The following RAB9A variants were observed in gnomAD, a reference collection of about 807,000 sequenced individuals.
The protein encoded by RAB9A is ras-related protein Rab-9A.
A neutral mutation model predicts 10.3 loss-of-function variants in RAB9A; 1 was observed. That is an observed-to-expected ratio of 0.10 (90% CI 0.03 to 0.46). The LOEUF (loss-of-function observed/expected upper bound fraction) is 0.46, where lower values mean the gene tolerates loss of function less well. Ranked by LOEUF, RAB9A falls within the 20% of genes least tolerant of loss-of-function variation. The pLI is 0.96. For missense variants in RAB9A, 92 were observed against 150.3 expected, an observed-to-expected ratio of 0.61 and a Z score of 2.03; for synonymous variants, 39 against 55.2, an observed-to-expected ratio of 0.71 and a Z score of 1.30.
intron 1 of RAB9A, among the ~76,000 whole-genome samples, chrX:13,699,764 T>G (rs1043304056): frequency 1.8e-5 from 2 of 111,652 alleles, no homozygotes; most frequent in Non-Finnish European, 3.8e-5. Context: ...GCGGGGATGG[T>G]GAGTAGTAGG....
chrX:13,697,745 A>G (rs2046153514), intron 1 of RAB9A, among the ~76,000 whole-genome samples: 1 of 112,217 alleles, frequency 8.9e-6, no homozygotes, highest in African/African-American at 3.2e-5. Context: ...GCATGTAGCA[A>G]TCAGTTCTTG....
intron 1 of RAB9A, among the ~76,000 whole-genome samples, chrX:13,691,944 T>C (rs2046126682): frequency 9.2e-6 from 1 of 109,155 alleles, no homozygotes. Flanking sequence ...TAGAACAGAA[T>C]TTATTGCCTG....
chrX:13,691,524 G>A (rs2046123226), intron 1 of RAB9A, among the ~76,000 whole-genome samples: 1 of 109,610 alleles, frequency 9.1e-6, no homozygotes, highest in Admixed American at 9.7e-5. Flanking sequence ...GCCAGGCGTG[G>A]TGGCGGATGC....
intron 2 of RAB9A, among the ~76,000 whole-genome samples, chrX:13,706,485 A>G (rs894498783): frequency 9.0e-6 from 1 of 110,715 alleles, no homozygotes; most frequent in Non-Finnish European, 1.9e-5. Flanking sequence ...TACGCCTCCC[A>G]GGTTCAAGGG....
Position 13,708,835 on chromosome X carries a change from A to G in RAB9A, c.89A>G (p.Asn30Ser), listed in dbSNP as rs2046209176. ...TCACTTATGAACAGATATGTAACTAATAAGTTTGATACCCAGCTCTTCCAT... is the reference window on the plus strand; with the variant it reads ...TCACTTATGAACAGATATGTAACTAGTAAGTTTGATACCCAGCTCTTCCAT... ...KSSLMNRYVT[N>S]KFDTQLFHTI... Residue 30 changes from asparagine (N) to serine (S), a missense_variant, in exon 3 of 3, where the codon AAT becomes AGT. Coordinates refer to ENST00000464506, the MANE Select transcript of RAB9A (RefSeq NM_004251.5). The G allele has an allele frequency of 8.3e-7, 1 of 1,208,457 alleles. No individual in the cohort carries two copies. Among genetic ancestry groups the G allele is most frequent in the Non-Finnish European group, 1.1e-6 (1 of 892,617 alleles).
At chrX:13,707,630 G>T (rs180801800) in intron 2 of RAB9A, among the ~76,000 whole-genome samples, 1 of 111,729 alleles carries the variant, frequency 9.0e-6, no homozygotes, top group East Asian at 2.8e-4. Context: ...GACTTCTAAA[G>T]AACACATATA....
intron 1 of RAB9A, among the ~76,000 whole-genome samples, chrX:13,691,604 G>T (rs1340553798): frequency 1.1e-5 from 1 of 90,412 alleles, no homozygotes; most frequent in East Asian, 3.8e-4. Flanking sequence ...AGGTTGCAGT[G>T]AGCCGAGATC....
At chrX:13,697,065 G>A (rs2046151160) in intron 1 of RAB9A, among the ~76,000 whole-genome samples, 1 of 111,317 alleles carries the variant, frequency 9.0e-6, no homozygotes, top group African/African-American at 3.3e-5. Flanking sequence ...CTCACTCCTT[G>A]TAATTAACTT....
In RAB9A at chrX:13,689,341, G is replaced by C. The variant is rs1054537423; in HGVS notation, c.-116+53G>C. 4.4e-5 allele frequency: 5 copies of C among 112,754 alleles called. No homozygotes were observed. In the East Asian group the frequency reaches 8.4e-4, roughly 19 times the overall value. The allele number at this position is 112,754 out of a possible 1,213,427, so 9.3% of individuals were successfully genotyped here. On this transcript the variant is annotated intron_variant, in intron 1 of 2. Transcript: ENST00000464506. ...ACCGGGCGGAGTGCGCGGGTGTCGG[G>C]GTCTGAGGGGGCGGCTCGGGCCTCG...
At position 13,694,323 on chromosome X, in the gene RAB9A, A is replaced by G. The variant is rs188272233; in HGVS notation, c.-116+5035A>G. On this transcript the variant is annotated intron_variant, in intron 1 of 2. Coordinates refer to ENST00000464506, the MANE Select transcript of RAB9A (RefSeq NM_004251.5). ...ATCAGATGTATATACCTGGAAATAC[A>G]TACATAATGTGGTTGGAAGTCAGAT... Among the ~76,000 whole-genome samples, 29 of 112,535 alleles carry G rather than the reference A, an allele frequency of 2.6e-4. 1 individual carries two copies. In the Admixed American group the frequency reaches 2.7e-3, roughly 11 times the overall value.
chrX:13,697,180 A>G (rs1460602769), intron 1 of RAB9A, among the ~76,000 whole-genome samples: 2 of 111,884 alleles, frequency 1.8e-5, no homozygotes, highest in Non-Finnish European at 3.8e-5. Flanking sequence ...GTCTGCTGTA[A>G]ATTAAAGACA....
At chrX:13,689,494 T>C (rs927324601) in intron 1 of RAB9A, among the ~76,000 whole-genome samples, 10 of 111,455 alleles carry the variant, frequency 9.0e-5, no homozygotes, top group Non-Finnish European at 1.5e-4. Flanking sequence ...CCCACACCCT[T>C]GGGGAGAGGG....
chrX:13,692,056 G>A (rs143598196), intron 1 of RAB9A, among the ~76,000 whole-genome samples: 31 of 110,052 alleles, frequency 2.8e-4, no homozygotes, highest in African/African-American at 7.3e-4. Flanking sequence ...TAATCTCAGC[G>A]CTTTGGGAGA....
chrX:13,704,248 C>T (rs1232992487), intron 2 of RAB9A, among the ~76,000 whole-genome samples: 1 of 112,058 alleles, frequency 8.9e-6, no homozygotes, highest in Non-Finnish European at 1.9e-5. Flanking sequence ...AAATATTACA[C>T]ATTTCCTCTT....
chrX:13,689,178 G>C lies in RAB9A; in HGVS notation c.-226G>C. 8.8e-6 allele frequency: 1 copy of C among 113,272 alleles called. No individual in the cohort carries two copies. The highest frequency in any genetic ancestry group is 2.8e-4 in the East Asian group (1 of 3,587). 9.3% of individuals were successfully genotyped at this position (113,272 alleles called of 1,213,427 possible). A position where few individuals can be genotyped will look rare whatever the true frequency, so the allele number is the denominator to read the frequency against. On this transcript the variant is annotated 5_prime_UTR_variant, in exon 1 of 3. Transcript: ENST00000464506. Reference sequence around the variant, plus strand: ...GAGCAGCTGGAGCGGGAGCCTGGCTGCGCTACCGCGGCTGCCTCCTGCTGT... The same window carrying C: ...GAGCAGCTGGAGCGGGAGCCTGGCTCCGCTACCGCGGCTGCCTCCTGCTGT...
chrX:13,696,244 C>CAA (rs34701498), intron 1 of RAB9A, among the ~76,000 whole-genome samples: 1,148 of 75,767 alleles, frequency 0.015, 31 homozygotes, highest in South Asian at 0.062. Context: ...CTTGTCATTA[C>CAA]AAAAAAAAAA....
intron 1 of RAB9A, among the ~76,000 whole-genome samples, chrX:13,699,256 C>T (rs1449066672): frequency 8.9e-6 from 1 of 111,770 alleles, no homozygotes; most frequent in Non-Finnish European, 1.9e-5. Flanking sequence ...TAATAGACCT[C>T]AAAAATAGAA....
intron 1 of RAB9A, among the ~76,000 whole-genome samples, chrX:13,696,158 A>T (rs2046146806): frequency 9.2e-6 from 1 of 108,617 alleles, no homozygotes; most frequent in Non-Finnish European, 1.9e-5. Context: ...CTGTAATCCT[A>T]GCACTTTGGG....
intron 1 of RAB9A, chrX:13,703,613 C>T (rs190453977): frequency 3.7e-4 from 42 of 112,063 alleles, no homozygotes; most frequent in African/African-American, 1.3e-3. Flanking sequence ...TAGCACAGTT[C>T]CACATAGTGA....
Sources: gnomAD v4.1 joint callset for allele counts (sites outside exome capture counted in the v4.1 genomes callset) on GRCh38, gnomAD v4.1.1 for gene constraint, MANE v1.5 for transcripts, NCBI Gene and HGNC (gene_info 2026-07-23, HGNC 2026-07-21) for gene names.